The following FAM98B variants were observed in gnomAD, a reference collection of about 807,000 sequenced individuals.
The protein encoded by FAM98B is tRNA splicing ligase complex subunit 3B.
In FAM98B, 32 loss-of-function variants were observed where a neutral mutation model predicts 43.9. That is an observed-to-expected ratio of 0.73 (90% CI 0.55 to 0.98). The LOEUF (loss-of-function observed/expected upper bound fraction) is 0.98. FAM98B is among the 50% of genes least tolerant of loss of function. The probability of loss-of-function intolerance (pLI) is 0.00; values close to 1 mark genes in which losing one functional copy is unlikely to be tolerated. For missense variants in FAM98B, 514 were observed against 522.9 expected, an observed-to-expected ratio of 0.98 and a Z score of 0.17; for synonymous variants, 190 against 174.0, an observed-to-expected ratio of 1.09 and a Z score of -0.72.
At position 38,474,237 on chromosome 15, in the gene FAM98B, G is replaced by A. The variant is rs1890164859; in HGVS notation, c.668G>A (p.Arg223Gln). 24 of 1,613,696 alleles carry A rather than the reference G, an allele frequency of 1.5e-5. No individual in the cohort carries two copies. The highest frequency in any genetic ancestry group is 1.8e-5 in the Non-Finnish European group (21 of 1,179,808). ...TCCTGTGAATATGAGTGCCGCCGAC[G>A]AATGTTAATGAAACGATTAGATGTG... The part of the protein sequence containing the change: ...ALSCEYECRR[R>Q]MLMKRLDVTV... The change falls in exon 6 of 8, where the codon CGA becomes CAA. Residue 223 changes from arginine (R) to glutamine (Q), a missense_variant. Transcript: ENST00000397609.
chr15:38,479,596 T>C (rs916677796), intron 6 of FAM98B, among the ~76,000 whole-genome samples: 1 of 152,222 alleles, frequency 6.6e-6, no homozygotes, highest in Admixed American at 6.5e-5. Flanking sequence ...TCAGTATCCT[T>C]CTTATGGCTG....
intron 1 of FAM98B, chr15:38,459,453 CT>C: frequency 2.8e-6 from 1 of 353,218 alleles, no homozygotes. Context: ...CACGAGGCTT[CT>C]TAAGGAGGGC....
At chr15:38,465,766 TAATTTGTTGATCACTTACTCTA>T (rs1890021679) in intron 3 of FAM98B, among the ~76,000 whole-genome samples, 1 of 152,150 alleles carries the variant, frequency 6.6e-6, no homozygotes, top group Non-Finnish European at 1.5e-5. Flanking sequence ...CACTGGATGA[TAATTTGTTGATCACTTACTCTA>T]ACACCAAGAA....
chr15:38,456,685 G>A (rs180831686), intron 1 of FAM98B, among the ~76,000 whole-genome samples: 23 of 152,348 alleles, frequency 1.5e-4, no homozygotes, highest in Admixed American at 7.2e-4. Flanking sequence ...CTGAGGAAGT[G>A]ACATTTGAGT....
At chr15:38,477,956 TTAAA>T (rs1448061896) in intron 6 of FAM98B, among the ~76,000 whole-genome samples, 1 of 152,236 alleles carries the variant, frequency 6.6e-6, no homozygotes, top group African/African-American at 2.4e-5. Context: ...CTCTGGAAAC[TTAAA>T]TAGAGGTTTT....
intron 6 of FAM98B, among the ~76,000 whole-genome samples, chr15:38,475,024 C>T (rs1359050471): frequency 6.6e-6 from 1 of 152,104 alleles, no homozygotes; most frequent in Non-Finnish European, 1.5e-5. Context: ...TAATCTGGTG[C>T]CGATTACTGT....
chr15:38,474,377 C>A (rs62002940), intron 6 of FAM98B, 79 bp downstream of exon 6: 11,614 of 899,652 alleles, frequency 0.013, 118 homozygotes, highest in Non-Finnish European at 0.018. Context: ...GTTATGTAAC[C>A]ATGCCACATT....
At chr15:38,455,375 A>G (rs975558010) in intron 1 of FAM98B, among the ~76,000 whole-genome samples, 2 of 152,212 alleles carry the variant, frequency 1.3e-5, no homozygotes, top group Non-Finnish European at 2.9e-5. Context: ...TTGCAGCGTT[A>G]TTATGAAGCT....
chr15:38,468,436 A>G (rs1197528672), intron 3 of FAM98B, among the ~76,000 whole-genome samples: 1 of 152,122 alleles, frequency 6.6e-6, no homozygotes, highest in East Asian at 1.9e-4. Context: ...TTGCCCAGGT[A>G]GGTCTTAAAC....
Position 38,474,288 on chromosome 15 carries a change from A to G in FAM98B, c.719A>G (p.Asp240Gly), listed in dbSNP as rs753895894. 3 of 1,611,204 alleles carry G rather than the reference A, an allele frequency of 1.9e-6. No individual in the cohort carries two copies. Among genetic ancestry groups the G allele is most frequent in the Non-Finnish European group, 2.5e-6 (3 of 1,177,892 alleles). Reference sequence around the variant, plus strand: ...ACTGTACAGTCCTTTGGATGGTCTGATAGAGCAAAGGTAAGGCTGTTTTCC... The same window carrying G: ...ACTGTACAGTCCTTTGGATGGTCTGGTAGAGCAAAGGTAAGGCTGTTTTCC... ...DVTVQSFGWSDRAKVKTDDIA... is the reference protein window; with the variant it reads ...DVTVQSFGWSGRAKVKTDDIA... Residue 240 changes from aspartate (D) to glycine (G), a missense_variant, in exon 6 of 8, where the codon GAT (aspartate) becomes GGT (glycine). Coordinates refer to ENST00000397609, the MANE Select transcript of FAM98B (RefSeq NM_173611.4).
At position 38,484,903 on chromosome 15, in the gene FAM98B, A is replaced by G. The variant is rs943882384; in HGVS notation, c.*244A>G. On this transcript the variant is annotated 3_prime_UTR_variant, in exon 8 of 8. Coordinates refer to ENST00000397609, the MANE Select transcript of FAM98B (RefSeq NM_173611.4). ...AGCATGTTGTGTCTTTTTAAAAAACAAAAAAAAGAACAAAAATTATTTTTT... is the reference window on the plus strand; with the variant it reads ...AGCATGTTGTGTCTTTTTAAAAAACGAAAAAAAGAACAAAAATTATTTTTT... The G allele has an allele frequency of 3.3e-5, 14 of 429,564 alleles. No individual in the cohort carries two copies. The highest frequency in any genetic ancestry group is 4.5e-5 in the Non-Finnish European group (12 of 266,984). The allele number at this position is 429,564 out of a possible 1,614,324, so 26.6% of individuals were successfully genotyped here. A position where few individuals can be genotyped will look rare whatever the true frequency, so the allele number is the denominator to read the frequency against.
At chr15:38,471,403 C>T (rs1890128962) in intron 4 of FAM98B, among the ~76,000 whole-genome samples, 1 of 151,892 alleles carries the variant, frequency 6.6e-6, no homozygotes, top group African/African-American at 2.4e-5. Flanking sequence ...TTCTGTTTTC[C>T]TCTGGATGAA....
intron 7 of FAM98B, chr15:38,482,184 C>T (rs1392297622): frequency 6.6e-6 from 1 of 152,318 alleles, no homozygotes; most frequent in Non-Finnish European, 1.5e-5. Context: ...AGATAAAATA[C>T]CTTTTCAGAG....
intron 3 of FAM98B, among the ~76,000 whole-genome samples, chr15:38,469,471 C>T (rs966929361): frequency 4.6e-5 from 7 of 152,144 alleles, no homozygotes; most frequent in East Asian, 1.9e-4. Context: ...GAGTCTTACA[C>T]ATTCTTGTCT....
At chr15:38,454,832 G>A (rs1011880289) in intron 1 of FAM98B, among the ~76,000 whole-genome samples, 3 of 152,162 alleles carry the variant, frequency 2.0e-5, no homozygotes, top group African/African-American at 7.2e-5. Flanking sequence ...TAGTTTTTCA[G>A]ATTACTCTTG....
At position 38,484,761 on chromosome 15, in the gene FAM98B, G is replaced by A; in HGVS notation, c.*102G>A. The A allele has an allele frequency of 6.9e-7, 1 of 1,449,400 alleles. No individual in the cohort carries two copies. Among genetic ancestry groups the A allele is most frequent in the South Asian group, 1.5e-5 (1 of 66,650 alleles). The allele number at this position is 1,449,400 out of a possible 1,614,324, so 89.8% of individuals were successfully genotyped here. ...ATATCATCTTTGAAGTAAACACCAT[G>A]TTAGACTCCCTGGTGATACCACTCT... On this transcript the variant is annotated 3_prime_UTR_variant, in exon 8 of 8. Coordinates refer to ENST00000397609, the MANE Select transcript of FAM98B (RefSeq NM_173611.4).
chr15:38,480,687 A>T (rs1447187575), intron 6 of FAM98B, among the ~76,000 whole-genome samples: 2 of 152,214 alleles, frequency 1.3e-5, no homozygotes, highest in Non-Finnish European at 2.9e-5. Flanking sequence ...ATCCTGGCAC[A>T]TTTAATAAGT....
At chr15:38,458,049 C>T (rs867876213) in intron 1 of FAM98B, among the ~76,000 whole-genome samples, 10 of 151,578 alleles carry the variant, frequency 6.6e-5, no homozygotes, top group Middle Eastern at 3.4e-3. Context: ...AGAAAACCTC[C>T]TTCCCCATAG....
Position 38,487,110 on chromosome 15 carries a change from T to A in FAM98B, c.*2451T>A, listed in dbSNP as rs143196460. The A allele has an allele frequency of 6.6e-6, 1 of 152,194 alleles. No homozygotes were observed. The highest frequency in any genetic ancestry group is 1.5e-5 in the Non-Finnish European group (1 of 67,942). The allele number at this position is 152,194 out of a possible 1,614,324, so 9.4% of individuals were successfully genotyped here. The stretch of plus-strand genomic sequence containing the variant: ...AGTTTCTGCCTAAAGTAGTCATCTT[T>A]CCTCTCGACCGTATAAAGAGCATGT... On this transcript the variant is annotated 3_prime_UTR_variant, in exon 8 of 8. Coordinates refer to ENST00000397609, the MANE Select transcript of FAM98B (RefSeq NM_173611.4).
Sources: allele counts gnomAD v4.1 joint callset (sites outside exome capture counted in the v4.1 genomes callset), GRCh38; gene constraint gnomAD v4.1.1; transcripts MANE v1.5; gene names NCBI Gene and HGNC (gene_info 2026-07-23, HGNC 2026-07-21).